Variants in ARHGEF12 observed in about 807,000 individuals in gnomAD.
ARHGEF12 encodes KMT2A/ARHGEF12 fusion protein.
Under a neutral mutation model 211.2 loss-of-function variants are expected in ARHGEF12, and 66 were observed. The observed-to-expected ratio is 0.31, with a 90% confidence interval of 0.26 to 0.38. The LOEUF is 0.38. Ranked by LOEUF, ARHGEF12 falls within the 10% of genes least tolerant of loss-of-function variation. The pLI, the probability that ARHGEF12 is intolerant of heterozygous loss-of-function variation, is 1.00. For synonymous variants in ARHGEF12, 592 were observed against 638.4 expected (o/e 0.93, Z 1.09); for missense variants, 1,429 against 1,869.5 (o/e 0.76, Z 4.34).
chr11:120,406,214 T>C, intron 2 of ARHGEF12, 73 bp downstream of exon 2: 1 of 1,104,846 alleles, frequency 9.1e-7, no homozygotes, highest in Non-Finnish European at 1.2e-6. Flanking sequence ...TTTGAAATTA[T>C]GGTGGATTTT....
chr11:120,411,518 A>G (rs913275339), intron 4 of ARHGEF12: 4 of 148,678 alleles, frequency 2.7e-5, no homozygotes, highest in East Asian at 2.0e-4. Flanking sequence ...GGTAAAATTC[A>G]TTAGCTGAGT....
At chr11:120,408,593 A>C (rs982104285) in intron 3 of ARHGEF12, 2 of 152,132 alleles carry the variant, frequency 1.3e-5, no homozygotes, top group African/African-American at 4.8e-5. Flanking sequence ...CCGCTATCTC[A>C]GATACATAAA....
intron 11 of ARHGEF12, among the ~76,000 whole-genome samples, chr11:120,434,075 A>G (rs1391314255): frequency 6.6e-6 from 1 of 152,236 alleles, no homozygotes; most frequent in African/African-American, 2.4e-5. Context: ...ATCAATGAAT[A>G]AAGTGGGCTT....
intron 22 of ARHGEF12, among the ~76,000 whole-genome samples, chr11:120,456,744 A>G (rs529516858): frequency 1.1e-4 from 17 of 152,340 alleles, no homozygotes; most frequent in African/African-American, 3.8e-4. Context: ...CTATAATCCT[A>G]GCACTTTGGG....
intron 1 of ARHGEF12, among the ~76,000 whole-genome samples, chr11:120,356,249 C>G (rs1008237703): frequency 3.3e-5 from 5 of 152,218 alleles, no homozygotes; most frequent in Non-Finnish European, 7.3e-5. Context: ...GAGACCGAGT[C>G]TTGCTCTGTC....
rs78760251 is a variant in ARHGEF12, at chr11:120,417,095, T to G, written c.200-3658T>G. On this transcript the variant is annotated intron_variant, in intron 4 of 40. Transcript: ENST00000397843. The stretch of plus-strand genomic sequence containing the variant: ...AGGAACCCTTAATATTTGTTAGACA[T>G]TAAGCTAACTACTTTATATATTTTT... Among the ~76,000 whole-genome samples, 1,314 of 152,268 alleles carry G rather than the reference T, an allele frequency of 8.6e-3. 87 individuals carry two copies. In the South Asian group the frequency reaches 0.16, roughly 19 times the overall value.
chr11:120,361,340 C>G (rs1287454125), intron 1 of ARHGEF12, among the ~76,000 whole-genome samples: 3 of 152,306 alleles, frequency 2.0e-5, no homozygotes, highest in East Asian at 1.9e-4. Context: ...AGGCTGCACA[C>G]TCCTTAAGAG....
intron 1 of ARHGEF12, among the ~76,000 whole-genome samples, chr11:120,357,539 G>A (rs976804616): frequency 6.6e-6 from 1 of 152,162 alleles, no homozygotes; most frequent in Non-Finnish European, 1.5e-5. Context: ...TACTGGACAG[G>A]TAAGGGATAG....
intron 1 of ARHGEF12, among the ~76,000 whole-genome samples, chr11:120,395,886 C>T (rs1944368081): frequency 6.6e-6 from 1 of 151,928 alleles, no homozygotes; most frequent in Non-Finnish European, 1.5e-5. Context: ...GTATGTATAC[C>T]CCAGTTAGTA....
At chr11:120,445,830 G>A (rs920090029) in intron 16 of ARHGEF12, among the ~76,000 whole-genome samples, 7 of 151,978 alleles carry the variant, frequency 4.6e-5, no homozygotes, top group East Asian at 1.9e-4. Flanking sequence ...CACAGGAGGC[G>A]GAGGTTGCAG....
chr11:120,351,436 TATATATATATATATA>T (rs1239497675), intron 1 of ARHGEF12, among the ~76,000 whole-genome samples: 37 of 3,616 alleles, frequency 0.01, 1 homozygote, highest in African/African-American at 0.045. Flanking sequence ...TATATATATA[TATATATATATATATA>T]TATATTTTTT....
chr11:120,459,908 A>G (rs1219329981), intron 26 of ARHGEF12, among the ~76,000 whole-genome samples: 1 of 152,104 alleles, frequency 6.6e-6, no homozygotes, highest in African/African-American at 2.4e-5. Context: ...GGGTTTCACC[A>G]TGTTGGCCAG....
intron 22 of ARHGEF12, 52 bp from the exon 23 acceptor site, chr11:120,457,066 A>T: frequency 6.4e-7 from 1 of 1,570,182 alleles, no homozygotes; most frequent in Non-Finnish European, 8.6e-7. Context: ...TTTGGTGACC[A>T]GTGACTTTAT....
Position 120,432,042 on chromosome 11 carries a change from A to G in ARHGEF12, c.924+131A>G, listed in dbSNP as rs1945559264. Reference sequence around the variant, plus strand: ...TACCATCCCCATTTTTAATGTACCAATTTGATAAACAGAAATCTGGTTACT... The same window carrying G: ...TACCATCCCCATTTTTAATGTACCAGTTTGATAAACAGAAATCTGGTTACT... On this transcript the variant is annotated intron_variant, in intron 11 of 40. Coordinates refer to ENST00000397843, the MANE Select transcript of ARHGEF12 (RefSeq NM_015313.3). The G allele has an allele frequency of 7.2e-6, 6 of 832,744 alleles. No homozygotes were observed. The Admixed American group carries it at 2.2e-4, about 31-fold the overall frequency. 51.6% of individuals were successfully genotyped at this position (832,744 alleles called of 1,614,324 possible). A position where few individuals can be genotyped will look rare whatever the true frequency, so the allele number is the denominator to read the frequency against.
chr11:120,361,957 A>T (rs1241363147), intron 1 of ARHGEF12, among the ~76,000 whole-genome samples: 1 of 152,190 alleles, frequency 6.6e-6, no homozygotes, highest in African/African-American at 2.4e-5. Context: ...TTTTTGCCAA[A>T]CTCTATATGT....
chr11:120,414,600 A>G lies in ARHGEF12; in HGVS notation c.199+5150A>G, dbSNP rs540565546. On this transcript the variant is annotated intron_variant, in intron 4 of 40. Coordinates refer to ENST00000397843, the MANE Select transcript of ARHGEF12 (RefSeq NM_015313.3). ...TACAAAAGAATTGCAATACATTTTG[A>G]TAAGTGCAGTGATAGAGATATGCAC... Among the ~76,000 whole-genome samples, 11 of 152,336 alleles carry G rather than the reference A, an allele frequency of 7.2e-5. No individual in the cohort carries two copies. The East Asian group carries it at 2.1e-3, about 29-fold the overall frequency.
At chr11:120,392,527 C>T (rs1249023712) in intron 1 of ARHGEF12, among the ~76,000 whole-genome samples, 2 of 152,080 alleles carry the variant, frequency 1.3e-5, no homozygotes, top group African/African-American at 2.4e-5. Context: ...ATGTACTTGG[C>T]TGCCTGTAAC....
intron 1 of ARHGEF12, among the ~76,000 whole-genome samples, chr11:120,375,146 G>A (rs1299218592): frequency 1.3e-5 from 2 of 152,134 alleles, no homozygotes; most frequent in African/African-American, 4.8e-5. Context: ...TCCTGCCACA[G>A]TTAGCCACTG....
At chr11:120,371,429 T>C (rs1943586307) in intron 1 of ARHGEF12, among the ~76,000 whole-genome samples, 1 of 152,128 alleles carries the variant, frequency 6.6e-6, no homozygotes, top group South Asian at 2.1e-4. Flanking sequence ...TGGAGGTTGC[T>C]GTGAGCTGAG....
Sources: allele counts gnomAD v4.1 joint callset (sites outside exome capture counted in the v4.1 genomes callset), GRCh38; gene constraint gnomAD v4.1.1; transcripts MANE v1.5; gene names NCBI Gene and HGNC (gene_info 2026-07-23, HGNC 2026-07-21).